The following RIN2 variants were observed in gnomAD, a reference collection of about 807,000 sequenced individuals.
RIN2 encodes Ras and Rab interactor 2, also known as RAB5 interacting protein 2.
A neutral mutation model predicts 78.0 loss-of-function variants in RIN2; 36 were observed. That is an observed-to-expected ratio of 0.46 (90% CI 0.35 to 0.61). The LOEUF (loss-of-function observed/expected upper bound fraction) is 0.61. Ranked by LOEUF, RIN2 falls within the 20% of genes least tolerant of loss-of-function variation. RIN2 has a pLI of 0.00. For synonymous variants in RIN2, 466 were observed against 466.8 expected (o/e 1.00, Z 0.02); for missense variants, 1,087 against 1,159.7 (o/e 0.94, Z 0.91).
intron 2 of RIN2, among the ~76,000 whole-genome samples, chr20:19,865,061 G>A (rs751329959): frequency 7.9e-5 from 12 of 152,182 alleles, no homozygotes; most frequent in Non-Finnish European, 1.8e-4. Flanking sequence ...GGAGCAAGGT[G>A]CAGACAATGG....
rs1568807322 is a variant in RIN2 at position 19,844,636 on chromosome 20, CTTCTTCTTCTT to C, written c.-37+44890_-37+44900del. Among the ~76,000 whole-genome samples the C allele has an allele frequency of 2.6e-3, 330 of 129,206 alleles. 5 individuals are homozygous for C. Among genetic ancestry groups the C allele is most frequent in the African/African-American group, 7.7e-3 (211 of 27,438 alleles). The allele number at this position is 129,206 out of a possible 152,430, so 84.8% of individuals were successfully genotyped here. On this transcript the variant is annotated intron_variant, in intron 2 of 12. Coordinates refer to ENST00000255006, the MANE Select transcript of RIN2 (RefSeq NM_018993.4). ...TCTTCTTCTTCTTCTTCTTCTTCTT[CTTCTTCTTCTT>C]CTTCTTCTTCTTCTTCTTCTTCCTT...
intron 3 of RIN2, among the ~76,000 whole-genome samples, chr20:19,900,945 C>CAAAAA (rs869239642): frequency 4.4e-4 from 13 of 29,574 alleles, no homozygotes; most frequent in Non-Finnish European, 9.3e-4. Context: ...AGCTCTGTCT[C>CAAAAA]AAAAAAAAAA....
intron 2 of RIN2, among the ~76,000 whole-genome samples, chr20:19,883,131 A>G (rs966805880): frequency 6.6e-5 from 10 of 152,094 alleles, no homozygotes; most frequent in African/African-American, 2.4e-4. Context: ...TCCCTGCTCA[A>G]TCATATTCCA....
intron 2 of RIN2, among the ~76,000 whole-genome samples, chr20:19,882,416 A>C (rs2038052280): frequency 6.6e-6 from 1 of 152,214 alleles, no homozygotes; most frequent in African/African-American, 2.4e-5. Context: ...CTATATGAAA[A>C]AACTGTCATA....
chr20:19,886,872 G>A (rs983852421), intron 2 of RIN2: 24 of 678,298 alleles, frequency 3.5e-5, no homozygotes, highest in African/African-American at 7.3e-5. Flanking sequence ...ATGGGGAAGC[G>A]CAGGTGAAGA....
chr20:19,976,838 GTCTC>G lies in RIN2; in HGVS notation c.1762+1064_1762+1067del, dbSNP rs57267974. 1.3e-4 allele frequency among the ~76,000 whole-genome samples: 19 copies of G among 151,184 alleles called. No individual in the cohort carries two copies. In the South Asian group the frequency reaches 4.0e-3, roughly 32 times the overall value. On this transcript the variant is annotated intron_variant, in intron 9 of 12. Transcript: ENST00000255006. ...GATAGAGGGCTCTTTCTCTTTCTCT[GTCTC>G]TCTCTCTCTCTCCTCTCTTTTTTCT... is the stretch of plus-strand genomic sequence containing the variant.
At chr20:19,924,790 A>G (rs13039242) in intron 3 of RIN2, among the ~76,000 whole-genome samples, 18,759 of 90,300 alleles carry the variant, frequency 0.21, 2,817 homozygotes, top group African/African-American at 0.42. Context: ...CCCAGGCTGT[A>G]GTGCAGTGGT....
chr20:19,862,124 A>G (rs907898320), intron 2 of RIN2, among the ~76,000 whole-genome samples: 1 of 152,214 alleles, frequency 6.6e-6, no homozygotes, highest in African/African-American at 2.4e-5. Context: ...GCAACCTGCT[A>G]GGTTGGTTTA....
intron 2 of RIN2, among the ~76,000 whole-genome samples, chr20:19,844,957 C>T (rs954824145): frequency 1.3e-5 from 2 of 151,952 alleles, no homozygotes; most frequent in African/African-American, 4.8e-5. Context: ...TTGTTCAACT[C>T]CCACTTATGA....
At chr20:19,853,086 T>A (rs1213298013) in intron 2 of RIN2, among the ~76,000 whole-genome samples, 2 of 138,558 alleles carry the variant, frequency 1.4e-5, no homozygotes, top group African/African-American at 2.7e-5. Flanking sequence ...CCTGTGTCCA[T>A]GTGTTCTCAT....
At chr20:19,844,342 G>T (rs1172025547) in intron 2 of RIN2, among the ~76,000 whole-genome samples, 4 of 152,124 alleles carry the variant, frequency 2.6e-5, no homozygotes, top group Non-Finnish European at 5.9e-5. Context: ...GAAACCACTC[G>T]AATATAAACA....
intron 1 of RIN2, among the ~76,000 whole-genome samples, chr20:19,761,274 A>G (rs1172495928): frequency 1.3e-5 from 2 of 152,250 alleles, no homozygotes; most frequent in Non-Finnish European, 2.9e-5. Context: ...GAACCTGCCC[A>G]GAGGCACACT....
intron 7 of RIN2, among the ~76,000 whole-genome samples, chr20:19,968,055 G>T (rs924180423): frequency 2.0e-5 from 3 of 152,102 alleles, no homozygotes; most frequent in African/African-American, 7.2e-5. Flanking sequence ...CAGCTGCTGA[G>T]ACCTTAGGGT....
chr20:19,813,717 A>G (rs1220525409), intron 2 of RIN2, among the ~76,000 whole-genome samples: 1 of 152,216 alleles, frequency 6.6e-6, no homozygotes, highest in Non-Finnish European at 1.5e-5. Flanking sequence ...ACAAACATGT[A>G]TTTTTTAAAA....
intron 2 of RIN2, among the ~76,000 whole-genome samples, chr20:19,887,058 C>T (rs193068899): frequency 6.6e-6 from 1 of 151,466 alleles, no homozygotes; most frequent in Non-Finnish European, 1.5e-5. Flanking sequence ...CAGAGTGTTA[C>T]TCTGTCGCTC....
At chr20:19,876,065 G>A (rs2037846299) in intron 2 of RIN2, among the ~76,000 whole-genome samples, 1 of 152,170 alleles carries the variant, frequency 6.6e-6, no homozygotes, top group Non-Finnish European at 1.5e-5. Flanking sequence ...AATGTGAAGT[G>A]GAAAGTCTGC....
chr20:19,857,882 G>A (rs113477835), intron 2 of RIN2, among the ~76,000 whole-genome samples: 3 of 152,092 alleles, frequency 2.0e-5, no homozygotes, highest in African/African-American at 7.2e-5. Context: ...ACAGTCTTTT[G>A]AATGTTTTAG....
chr20:19,835,144 G>GAGGAAGGA (rs149867906), intron 2 of RIN2, among the ~76,000 whole-genome samples: 10 of 148,446 alleles, frequency 6.7e-5, no homozygotes, highest in South Asian at 2.2e-4. Context: ...GGAAGGGAGG[G>GAGGAAGGA]AGGAAGGAAG....
chr20:19,766,320 C>A (rs1314404113), intron 1 of RIN2, among the ~76,000 whole-genome samples: 1 of 152,164 alleles, frequency 6.6e-6, no homozygotes, highest in Non-Finnish European at 1.5e-5. Flanking sequence ...CTAAATAATA[C>A]AAATAACCTA....
Sources: gnomAD v4.1 joint callset for allele counts (sites outside exome capture counted in the v4.1 genomes callset) on GRCh38, gnomAD v4.1.1 for gene constraint, MANE v1.5 for transcripts, NCBI Gene and HGNC (gene_info 2026-07-23, HGNC 2026-07-21) for gene names.